Variants in MED27 observed in about 807,000 individuals in gnomAD.
MED27 encodes the protein mediator complex subunit 27.
In MED27, 30 loss-of-function variants were observed where a neutral mutation model predicts 38.2. The observed-to-expected ratio is 0.79, with a 90% confidence interval of 0.59 to 1.07. The LOEUF is 1.07. Among genes scored for constraint, MED27 ranks in the 50% least tolerant of loss-of-function variants. The probability of loss-of-function intolerance (pLI) is 0.00; values close to 1 mark genes in which losing one functional copy is unlikely to be tolerated. For missense variants in MED27, 289 were observed against 397.5 expected, an observed-to-expected ratio of 0.73 and a Z score of 2.32; for synonymous variants, 122 against 153.5, an observed-to-expected ratio of 0.79 and a Z score of 1.52.
At chr9:132,028,773 CAG>C (rs1194988979) in intron 2 of MED27, among the ~76,000 whole-genome samples, 1 of 152,194 alleles carries the variant, frequency 6.6e-6, no homozygotes, top group Admixed American at 6.5e-5. Flanking sequence ...GAATCATCTA[CAG>C]AGTGCTTGCC....
At chr9:131,970,922 C>A (rs1831463095) in intron 3 of MED27, among the ~76,000 whole-genome samples, 1 of 152,036 alleles carries the variant, frequency 6.6e-6, no homozygotes, top group African/African-American at 2.4e-5. Context: ...CGAATACAGG[C>A]AGAGTATTGA....
At chr9:131,941,202 T>G (rs1325136613) in intron 3 of MED27, among the ~76,000 whole-genome samples, 2 of 152,176 alleles carry the variant, frequency 1.3e-5, no homozygotes, top group Admixed American at 6.5e-5. Context: ...TGTAAAACTA[T>G]CTATTAAGGA....
At chr9:132,000,774 T>C (rs953265475) in intron 3 of MED27, among the ~76,000 whole-genome samples, 4 of 151,150 alleles carry the variant, frequency 2.6e-5, no homozygotes, top group Admixed American at 2.6e-4. Context: ...TTTTTAGAGA[T>C]GGGGTCTCAC....
In MED27 at chr9:131,863,645, G is replaced by A. The variant is rs539734235; in HGVS notation, c.724-505C>T. Among the ~76,000 whole-genome samples, 9 of 146,326 alleles carry A rather than the reference G, an allele frequency of 6.2e-5. No homozygotes were observed. The South Asian group carries it at 1.9e-3, about 31-fold the overall frequency. ...TGTAGCCACACAGGATTTATGATGG[G>A]GAGCCTGGCAGTTTCTGAGCCACAC... On this transcript the variant is annotated intron_variant, in intron 6 of 7. Coordinates refer to ENST00000292035, the MANE Select transcript of MED27 (RefSeq NM_004269.4).
chr9:131,904,884 T>A (rs1830024052), intron 4 of MED27, among the ~76,000 whole-genome samples: 1 of 152,208 alleles, frequency 6.6e-6, no homozygotes, highest in South Asian at 2.1e-4. Flanking sequence ...CTGGGAAGGG[T>A]TATGAAATAG....
At chr9:131,933,340 C>T (rs545982728) in intron 4 of MED27, among the ~76,000 whole-genome samples, 7 of 151,904 alleles carry the variant, frequency 4.6e-5, no homozygotes, top group Admixed American at 2.0e-4. Context: ...GCAGATGATC[C>T]GATCTTATAT....
intron 3 of MED27, among the ~76,000 whole-genome samples, chr9:131,989,384 T>C (rs1048191074): frequency 2.0e-5 from 3 of 152,164 alleles, no homozygotes; most frequent in Non-Finnish European, 4.4e-5. Flanking sequence ...AACCTTTTAT[T>C]CCATGAAAAC....
At position 131,865,527 on chromosome 9, in the gene MED27, G is replaced by T. The variant is rs981360914; in HGVS notation, c.724-2387C>A. Among the ~76,000 whole-genome samples, 13 of 152,214 alleles carry T rather than the reference G, an allele frequency of 8.5e-5. No homozygotes were observed. In the East Asian group the frequency reaches 2.5e-3, roughly 29 times the overall value. On this transcript the variant is annotated intron_variant, in intron 6 of 7. Transcript: ENST00000292035. ...TTACAGAAGAACCAAAGTTTCTGGA[G>T]AATTCTTTCCCCTCACCCCCTTTAT...
intron 3 of MED27, among the ~76,000 whole-genome samples, chr9:131,981,624 T>C (rs115787503): frequency 2.1e-3 from 320 of 152,268 alleles, no homozygotes; most frequent in African/African-American, 7.0e-3. Flanking sequence ...GCCTGGGCCG[T>C]TGAAGCTGGT....
At chr9:131,932,652 G>A (rs577129685) in intron 4 of MED27, among the ~76,000 whole-genome samples, 10 of 151,798 alleles carry the variant, frequency 6.6e-5, no homozygotes, top group African/African-American at 2.2e-4. Flanking sequence ...AAAAGCCCAC[G>A]ATCCAAAGGC....
At position 131,945,689 on chromosome 9, in the gene MED27, C is replaced by T. The variant is rs536181296; in HGVS notation, c.480-6215G>A. 8.6e-5 allele frequency among the ~76,000 whole-genome samples: 13 copies of T among 151,088 alleles called. 1 individual carries two copies. The South Asian group carries it at 1.7e-3, about 20-fold the overall frequency. ...ATAGAAGTGAGATCGTGGCCAGGTG[C>T]GGTGGCTTATGCCTATAATTCCAAC... On this transcript the variant is annotated intron_variant, in intron 3 of 7. Transcript: ENST00000292035.
intron 2 of MED27, among the ~76,000 whole-genome samples, chr9:132,024,685 A>G (rs1352307548): frequency 6.6e-6 from 1 of 152,226 alleles, no homozygotes; most frequent in Non-Finnish European, 1.5e-5. Flanking sequence ...AATCTATTAC[A>G]AGACGATACC....
In MED27 at chr9:131,862,139, C is replaced by T. The variant is rs1051497070; in HGVS notation, c.801+924G>A. 6.6e-5 allele frequency among the ~76,000 whole-genome samples: 10 copies of T among 152,222 alleles called. No homozygotes were observed. Among genetic ancestry groups the T allele is most frequent in the East Asian group, 1.9e-4 (1 of 5,198 alleles). ...CTGCCAGCATCATGAAGCCAATCAA[C>T]GCACCAGGGATGTGTCTTCTGAGGA... On this transcript the variant is annotated intron_variant, in intron 7 of 7. Coordinates refer to ENST00000292035, the MANE Select transcript of MED27 (RefSeq NM_004269.4). The surrounding 1 kb of genome is among the most constrained non-coding windows in gnomAD (Gnocchi z 4.6).
intron 3 of MED27, among the ~76,000 whole-genome samples, chr9:131,987,430 G>T (rs1459194039): frequency 6.6e-6 from 1 of 152,080 alleles, no homozygotes; most frequent in Non-Finnish European, 1.5e-5. Context: ...TGCGGGGAGG[G>T]GGAGCGGTGG....
In MED27 at chr9:132,014,315, A is replaced by G. The variant is rs780273553; in HGVS notation, c.479+22T>C. 32 of 1,604,576 alleles carry G rather than the reference A, an allele frequency of 2.0e-5. No individual in the cohort carries two copies. In the South Asian group the frequency reaches 3.5e-4, roughly 17 times the overall value. ...AAAAAGTTCACCCAGTACTAAAGTA[A>G]TTTTTCAAATCCATCACTCACTGAG... On this transcript the variant is annotated intron_variant, in intron 3 of 7. Transcript: ENST00000292035.
intron 6 of MED27, among the ~76,000 whole-genome samples, chr9:131,870,934 G>A (rs1436090098): frequency 6.6e-6 from 1 of 152,236 alleles, no homozygotes; most frequent in Admixed American, 6.5e-5. Context: ...CCCTGCTGTG[G>A]ACAAAGAAGG....
At chr9:132,052,475 A>G (rs1004158130) in intron 2 of MED27, among the ~76,000 whole-genome samples, 2 of 152,204 alleles carry the variant, frequency 1.3e-5, no homozygotes, top group Admixed American at 6.5e-5. Context: ...AGGGAAAAAA[A>G]ATCTCTCTGC....
intron 2 of MED27, among the ~76,000 whole-genome samples, chr9:132,043,419 TGAG>T (rs1833264063): frequency 6.6e-6 from 1 of 150,506 alleles, no homozygotes; most frequent in Non-Finnish European, 1.5e-5. Context: ...AGAGGGAGAA[TGAG>T]GAGGGGCTCA....
chr9:132,047,105 A>T (rs1353246516), intron 2 of MED27, among the ~76,000 whole-genome samples: 1 of 152,146 alleles, frequency 6.6e-6, no homozygotes, highest in Non-Finnish European at 1.5e-5. Flanking sequence ...TATGTAAAAG[A>T]CCATATATCT....
Sources: allele counts gnomAD v4.1 joint callset (sites outside exome capture counted in the v4.1 genomes callset), GRCh38; gene constraint gnomAD v4.1.1; non-coding constraint Gnocchi (gnomAD v3.1); transcripts MANE v1.5; gene names NCBI Gene and HGNC (gene_info 2026-07-23, HGNC 2026-07-21).